TRIO: variants seen among roughly 807,000 people sequenced by gnomAD.
TRIO encodes the protein triple functional domain protein.
A neutral mutation model predicts 351.9 loss-of-function variants in TRIO; 58 were observed. The ratio of observed to expected loss-of-function variants is 0.16; its 90% CI spans 0.13 to 0.21. The LOEUF (loss-of-function observed/expected upper bound fraction) is 0.21, where lower values mean the gene tolerates loss of function less well. Ranked by LOEUF, TRIO falls within the 10% of genes least tolerant of loss-of-function variation. The pLI, the probability that TRIO is intolerant of heterozygous loss-of-function variation, is 1.00. For missense variants in TRIO, 3,201 were observed against 4,027.8 expected (o/e 0.79, Z 5.56); for synonymous variants, 1,758 against 1,595.7 (o/e 1.10, Z -2.42).
chr5:14,236,803 G>A (rs879328512), intron 1 of TRIO, among the ~76,000 whole-genome samples: 4 of 151,964 alleles, frequency 2.6e-5, no homozygotes, highest in Admixed American at 2.6e-4. Context: ...AGCCATCATC[G>A]CCAGAAAGAA....
chr5:14,346,844 A>C (rs1020867751), intron 11 of TRIO, among the ~76,000 whole-genome samples: 5 of 152,238 alleles, frequency 3.3e-5, no homozygotes, highest in Non-Finnish European at 7.3e-5. Context: ...CTAGCACGAG[A>C]CCAAAACTCT....
intron 1 of TRIO, among the ~76,000 whole-genome samples, chr5:14,144,194 CG>C (rs1227858274): frequency 6.6e-6 from 1 of 152,150 alleles, no homozygotes; most frequent in East Asian, 1.9e-4. Flanking sequence ...CGCGGCTTCG[CG>C]GGTTGGGGCG....
In TRIO at chr5:14,497,326, C is replaced by T. The variant is rs1290478313; in HGVS notation, c.8019+309C>T. 1.3e-5 allele frequency among the ~76,000 whole-genome samples: 2 copies of T among 152,204 alleles called. No homozygotes were observed. The highest frequency in any genetic ancestry group is 2.9e-5 in the Non-Finnish European group (2 of 68,036). On this transcript the variant is annotated intron_variant, in intron 50 of 56. Coordinates refer to ENST00000344204, the MANE Select transcript of TRIO (RefSeq NM_007118.4). The surrounding 1 kb of genome is among the most constrained non-coding windows in gnomAD (Gnocchi z 4.4). ...TAGGTTCTCAGAAGCAGCGAAGGTG[C>T]AGAGAAGCTATGGCTCAGGCTTCCT...
At chr5:14,463,330 A>G (rs1301078068) in intron 36 of TRIO, among the ~76,000 whole-genome samples, 1 of 152,180 alleles carries the variant, frequency 6.6e-6, no homozygotes, top group Non-Finnish European at 1.5e-5. Context: ...AGGTTTTTGC[A>G]TGCAGGTTTC....
In TRIO at chr5:14,306,527, TA is replaced by T. The variant is rs139081036; in HGVS notation, c.1500+1937del. ...CAAATGACCCTGTTACTCACACATG[TA>T]ATGAGGCCTCCACTCATCTGCTTAT... On this transcript the variant is annotated intron_variant, in intron 8 of 56. Coordinates refer to ENST00000344204, the MANE Select transcript of TRIO (RefSeq NM_007118.4). 8.0e-3 allele frequency among the ~76,000 whole-genome samples: 1,217 copies of T among 152,362 alleles called. 13 individuals carry two copies. Among genetic ancestry groups the T allele is most frequent in the African/African-American group, 0.027 (1,139 of 41,584 alleles).
chr5:14,307,744 C>T (rs1581583019), intron 8 of TRIO, among the ~76,000 whole-genome samples: 1 of 152,230 alleles, frequency 6.6e-6, no homozygotes, highest in Non-Finnish European at 1.5e-5. Flanking sequence ...AGACTTCTCA[C>T]AGCCATAGTT....
chr5:14,445,350 C>T (rs76279393), intron 34 of TRIO, among the ~76,000 whole-genome samples: 50 of 152,298 alleles, frequency 3.3e-4, no homozygotes, highest in African/African-American at 1.2e-3. Flanking sequence ...TATCTAGTTT[C>T]TCTGAAACTA....
At chr5:14,287,120 C>T (rs1245442541) in intron 4 of TRIO, 57 bp downstream of exon 4, 2 of 1,541,678 alleles carry the variant, frequency 1.3e-6, no homozygotes. Context: ...TTACTAAAAG[C>T]TATTGAGGCT....
chr5:14,287,597 G>A (rs57764801), intron 4 of TRIO, among the ~76,000 whole-genome samples: 5,019 of 152,222 alleles, frequency 0.033, 288 homozygotes, highest in African/African-American at 0.11. Context: ...GAAGATTGCC[G>A]TCTTTCAGTG....
At chr5:14,239,380 C>A (rs1051692866) in intron 1 of TRIO, among the ~76,000 whole-genome samples, 1 of 152,134 alleles carries the variant, frequency 6.6e-6, no homozygotes, top group African/African-American at 2.4e-5. Flanking sequence ...TGAATCAAAT[C>A]TGCAGTGCCA....
intron 9 of TRIO, among the ~76,000 whole-genome samples, chr5:14,321,333 A>G (rs1382176636): frequency 6.6e-6 from 1 of 152,234 alleles, no homozygotes. Context: ...GCAAGGTAAC[A>G]TGGGGTCAGG....
chr5:14,437,342 T>C (rs1751664786), intron 34 of TRIO, among the ~76,000 whole-genome samples: 1 of 152,148 alleles, frequency 6.6e-6, no homozygotes, highest in Non-Finnish European at 1.5e-5. Flanking sequence ...TTTTTCAAAG[T>C]TAGGTTAGTT....
Position 14,508,195 on chromosome 5 carries a change from G to A in TRIO, c.9067G>A (p.Ala3023Thr). 2.5e-6 allele frequency: 4 copies of A among 1,614,136 alleles called. No homozygotes were observed. The highest frequency in any genetic ancestry group is 3.4e-6 in the Non-Finnish European group (4 of 1,180,036). Residue 3023 changes from alanine (A) to threonine (T), a missense_variant, in exon 57 of 57, where the codon GCC becomes ACC. Ala to Thr is a moderately conservative substitution (Grantham distance 58). Coordinates refer to ENST00000344204, the MANE Select transcript of TRIO (RefSeq NM_007118.4). ...CTACTTTAAAGGAGTGAGCCAGAAG[G>A]CCAAGGAGTTCGTGTGCTTCCTCCT... ...DDYFKGVSQK[A>T]KEFVCFLLQE... is the part of the protein sequence containing the mutation.
intron 11 of TRIO, among the ~76,000 whole-genome samples, chr5:14,346,358 A>G (rs751757210): frequency 2.1e-4 from 32 of 152,224 alleles, no homozygotes; most frequent in Non-Finnish European, 4.4e-4. Context: ...CAAATGGTGA[A>G]GGCTTTGTAA....
At position 14,497,131 on chromosome 5, in the gene TRIO, C is replaced by A; in HGVS notation, c.8019+114C>A. ...GCTTGCTTATGACCTCCCTCCCACC[C>A]ACCAGCCCCGTGCCCTGCGTGTCCT... On this transcript the variant is annotated intron_variant, in intron 50 of 56. Transcript: ENST00000344204. The surrounding 1 kb of genome is among the most constrained non-coding windows in gnomAD (Gnocchi z 4.4). 6.9e-7 allele frequency: 1 copy of A among 1,451,854 alleles called. No homozygotes were observed. Among genetic ancestry groups the A allele is most frequent in the Admixed American group, 2.4e-5 (1 of 42,388 alleles). 89.9% of individuals were successfully genotyped at this position (1,451,854 alleles called of 1,614,324 possible). A position where few individuals can be genotyped will look rare whatever the true frequency, so the allele number is the denominator to read the frequency against.
chr5:14,334,584 T>A (rs2152317922), intron 10 of TRIO, among the ~76,000 whole-genome samples: 1 of 152,152 alleles, frequency 6.6e-6, no homozygotes, highest in East Asian at 1.9e-4. Context: ...AAAACTGTAG[T>A]GGTGATCATA....
intron 18 of TRIO, among the ~76,000 whole-genome samples, chr5:14,373,118 G>A (rs181062520): frequency 7.2e-5 from 11 of 152,252 alleles, no homozygotes; most frequent in Admixed American, 1.3e-4. Flanking sequence ...GTTGCTGCAC[G>A]AGAACAGCAT....
chr5:14,203,054 G>A (rs1791232690), intron 1 of TRIO, among the ~76,000 whole-genome samples: 1 of 152,044 alleles, frequency 6.6e-6, no homozygotes, highest in Non-Finnish European at 1.5e-5. Context: ...GGTTCGTTTT[G>A]TAGTAATTAG....
In TRIO at chr5:14,487,516, C is replaced by CGGCGGCAGCGGG. The variant is rs1343208329; in HGVS notation, c.6892_6903dup (p.Gly2298_Gly2301dup). 3.5e-6 allele frequency: 3 copies of CGGCGGCAGCGGG among 845,672 alleles called. No individual in the cohort carries two copies. Among genetic ancestry groups the CGGCGGCAGCGGG allele is most frequent in the Non-Finnish European group, 4.5e-6 (3 of 673,118 alleles). The allele number at this position is 845,672 out of a possible 1,614,324, so 52.4% of individuals were successfully genotyped here. A position where few individuals can be genotyped will look rare whatever the true frequency, so the allele number is the denominator to read the frequency against. ...GGAACCACAGCGGGGGCGGCGGCGG[C>CGGCGGCAGCGGG]GGCGGCAGCGGGGGCAGCGGCGGGG... On this transcript the variant is annotated inframe_insertion, in exon 48 of 57. Coordinates refer to ENST00000344204, the MANE Select transcript of TRIO (RefSeq NM_007118.4).
Sources: gnomAD v4.1 joint callset for allele counts (sites outside exome capture counted in the v4.1 genomes callset) on GRCh38, gnomAD v4.1.1 for gene constraint, Gnocchi (gnomAD v3.1) non-coding constraint, MANE v1.5 for transcripts, NCBI Gene and HGNC (gene_info 2026-07-23, HGNC 2026-07-21) for gene names.